The following TLL2 variants were observed in gnomAD, a reference collection of about 807,000 sequenced individuals.
TLL2 encodes the protein tolloid like 2, also known as tolloid-like protein 2.
Under a neutral mutation model 123.0 loss-of-function variants are expected in TLL2, and 106 were observed. The observed-to-expected ratio is 0.86, with a 90% CI of 0.74 to 1.01. The LOEUF is 1.01. TLL2 is among the 50% of genes least tolerant of loss of function. The pLI is 0.00. For synonymous variants in TLL2, 494 were observed against 516.8 expected (o/e 0.96, Z 0.60); for missense variants, 1,332 against 1,336.7 (o/e 1.00, Z 0.06).
intron 10 of TLL2, among the ~76,000 whole-genome samples, chr10:96,403,578 G>C (rs1328122901): frequency 6.6e-6 from 1 of 152,148 alleles, no homozygotes; most frequent in Non-Finnish European, 1.5e-5. Flanking sequence ...TAAACCAAGG[G>C]CACAGTGCAC....
At chr10:96,500,521 T>C (rs10882805) in intron 1 of TLL2, among the ~76,000 whole-genome samples, 33,054 of 152,006 alleles carry the variant, frequency 0.22, 3,901 homozygotes, top group East Asian at 0.29. Flanking sequence ...AACAAAAAGA[T>C]TGAGGTTCAT....
chr10:96,420,019 C>A (rs1846603793), intron 7 of TLL2, among the ~76,000 whole-genome samples: 1 of 152,208 alleles, frequency 6.6e-6, no homozygotes, highest in African/African-American at 2.4e-5. Context: ...AGCTTTCTAG[C>A]CATATTTTTC....
chr10:96,506,746 A>T (rs1847583155), intron 1 of TLL2, among the ~76,000 whole-genome samples: 1 of 151,922 alleles, frequency 6.6e-6, no homozygotes, highest in African/African-American at 2.4e-5. Flanking sequence ...AGAGGAAAGG[A>T]TGCTCTCCCA....
chr10:96,501,934 T>C (rs1024678728), intron 1 of TLL2, among the ~76,000 whole-genome samples: 2 of 152,228 alleles, frequency 1.3e-5, no homozygotes, highest in African/African-American at 4.8e-5. Flanking sequence ...TTGGAGCTCA[T>C]TGTCCAATGC....
chr10:96,405,418 C>G, intron 9 of TLL2, 84 bp from the exon 10 acceptor site: 2 of 1,274,746 alleles, frequency 1.6e-6, no homozygotes, highest in Non-Finnish European at 2.3e-6. Context: ...GGTGTTCTCA[C>G]GTTACCCTTT....
chr10:96,440,668 A>C (rs1330761963), intron 3 of TLL2, among the ~76,000 whole-genome samples: 1 of 152,250 alleles, frequency 6.6e-6, no homozygotes, highest in Non-Finnish European at 1.5e-5. Context: ...ACCTGGTATT[A>C]TAAGGGTCTG....
chr10:96,415,587 A>G (rs1339045463), intron 7 of TLL2, among the ~76,000 whole-genome samples: 1 of 151,308 alleles, frequency 6.6e-6, no homozygotes, highest in African/African-American at 2.4e-5. Context: ...GCAGACCTCA[A>G]AAAATGCTTC....
chr10:96,377,468 T>G (rs565488635), intron 17 of TLL2, among the ~76,000 whole-genome samples: 82 of 152,236 alleles, frequency 5.4e-4, no homozygotes, highest in Non-Finnish European at 1.0e-3. Flanking sequence ...TTCTCTTCTG[T>G]GGTGGGCACT....
intron 1 of TLL2, among the ~76,000 whole-genome samples, chr10:96,505,246 G>A (rs1286611497): frequency 6.6e-6 from 1 of 152,196 alleles, no homozygotes; most frequent in Non-Finnish European, 1.5e-5. Context: ...ATCAGGTCTT[G>A]TGAGAACTCG....
At chr10:96,471,844 C>T (rs554087531) in intron 2 of TLL2, among the ~76,000 whole-genome samples, 2 of 152,200 alleles carry the variant, frequency 1.3e-5, no homozygotes, top group East Asian at 1.9e-4. Context: ...GTCAGAATTT[C>T]GTAACTTGAG....
intron 3 of TLL2, among the ~76,000 whole-genome samples, chr10:96,435,528 A>G (rs931697411): frequency 5.3e-5 from 8 of 152,214 alleles, no homozygotes; most frequent in African/African-American, 2.4e-5. Context: ...CTAAGAAACC[A>G]TAGCCTAATT....
chr10:96,459,681 AAAAAAAAAAAAAAAAAAAAAAAAAAT>A (rs1331055476), intron 2 of TLL2, among the ~76,000 whole-genome samples: 14 of 48,678 alleles, frequency 2.9e-4, no homozygotes, highest in African/African-American at 1.1e-3. Context: ...AAAAAAAAAA[AAAAAAAAAAAAAAAAAAAAAAAAAAT>A]ATATATATAT....
chr10:96,405,234 A>G lies in TLL2; in HGVS notation c.1265T>C (p.Leu422Ser). ...AACGGTGTCTAAAGTCAACTTACCC[A>G]AAAGGGGGGCTTTTCTCCAGTAACC... ...RDGYWRKAPLLGRFCGDKIPE... is the reference protein window; with the variant it reads ...RDGYWRKAPLSGRFCGDKIPE... Residue 422 changes from leucine (L) to serine (S), a missense_variant and splice_region_variant, in exon 10 of 21, where the codon TTG becomes TCG. Coordinates refer to ENST00000357947, the MANE Select transcript of TLL2 (RefSeq NM_012465.4). 6.2e-7 allele frequency: 1 copy of G among 1,614,020 alleles called. No individual in the cohort carries two copies. The highest frequency in any genetic ancestry group is 2.2e-5 in the East Asian group (1 of 44,882).
chr10:96,440,637 G>C (rs1241471447), intron 3 of TLL2, among the ~76,000 whole-genome samples: 4 of 152,202 alleles, frequency 2.6e-5, no homozygotes, highest in Non-Finnish European at 5.9e-5. Context: ...TCTCTGACAA[G>C]CTGTGCTGCA....
chr10:96,501,535 G>A (rs1357225769), intron 1 of TLL2, among the ~76,000 whole-genome samples: 4 of 152,182 alleles, frequency 2.6e-5, no homozygotes, highest in Non-Finnish European at 5.9e-5. Flanking sequence ...CATTTCCTTA[G>A]GGATATGTTT....
intron 13 of TLL2, among the ~76,000 whole-genome samples, chr10:96,389,966 G>C (rs886609765): frequency 6.6e-6 from 1 of 152,228 alleles, no homozygotes; most frequent in Non-Finnish European, 1.5e-5. Context: ...GAGGTGCATG[G>C]GGCCTCCCAC....
chr10:96,419,186 T>C (rs908330839), intron 7 of TLL2, among the ~76,000 whole-genome samples: 3 of 152,166 alleles, frequency 2.0e-5, no homozygotes, highest in African/African-American at 7.2e-5. Context: ...TTTCCTAATC[T>C]GGAAGAGGAG....
At chr10:96,493,894 A>G (rs1359304827) in intron 1 of TLL2, among the ~76,000 whole-genome samples, 4 of 152,194 alleles carry the variant, frequency 2.6e-5, no homozygotes, top group Non-Finnish European at 5.9e-5. Context: ...TTATGGGGGA[A>G]AGTGAGACTT....
chr10:96,505,034 TAAATAAATAAATA>T (rs1259176382), intron 1 of TLL2, among the ~76,000 whole-genome samples: 2 of 117,442 alleles, frequency 1.7e-5, no homozygotes, highest in Admixed American at 8.1e-5. Flanking sequence ...AATAAATAAA[TAAATAAATAAATA>T]AAAGATACTA....
Sources: gnomAD v4.1 joint callset for allele counts (sites outside exome capture counted in the v4.1 genomes callset) on GRCh38, gnomAD v4.1.1 for gene constraint, MANE v1.5 for transcripts, NCBI Gene and HGNC (gene_info 2026-07-23, HGNC 2026-07-21) for gene names.